NUP153: variants seen among roughly 807,000 people sequenced by gnomAD.
The protein encoded by NUP153 is nucleoporin 153, also known as nuclear pore complex protein Nup153.
In NUP153, 27 loss-of-function variants were observed where a neutral mutation model predicts 134.6. That is an observed-to-expected ratio of 0.20 (90% CI 0.15 to 0.28). The LOEUF (loss-of-function observed/expected upper bound fraction) is 0.28. NUP153 is among the 10% of genes least tolerant of loss of function. The probability of loss-of-function intolerance (pLI) is 1.00; values close to 1 mark genes in which losing one functional copy is unlikely to be tolerated. For synonymous variants in NUP153, 640 were observed against 623.5 expected, an observed-to-expected ratio of 1.03 and a Z score of -0.40; for missense variants, 1,821 against 1,731.3, an observed-to-expected ratio of 1.05 and a Z score of -0.92.
intron 2 of NUP153, among the ~76,000 whole-genome samples, chr6:17,682,335 G>A (rs1379154726): frequency 1.3e-5 from 2 of 152,120 alleles, no homozygotes; most frequent in Non-Finnish European, 2.9e-5. Context: ...AATGTTGATG[G>A]CTACTGACTG....
rs957077722 is a variant in NUP153, at chr6:17,631,574, ATAAG to A, written c.2659+1072_2659+1075del. Among the ~76,000 whole-genome samples, 10 of 152,332 alleles carry A rather than the reference ATAAG, an allele frequency of 6.6e-5. No homozygotes were observed. In the South Asian group the frequency reaches 1.2e-3, roughly 19 times the overall value. On this transcript the variant is annotated intron_variant, in intron 17 of 21. Transcript: ENST00000262077. The stretch of plus-strand genomic sequence containing the variant: ...AGTACACTTTATTTAGCTACAACTT[ATAAG>A]TAAGAAGATGAAATATCTGTCTGAG...
At chr6:17,642,648 A>G (rs1168652776) in intron 14 of NUP153, among the ~76,000 whole-genome samples, 1 of 152,212 alleles carries the variant, frequency 6.6e-6, no homozygotes, top group East Asian at 1.9e-4. Context: ...AAAGTTTAAT[A>G]CAGAACTACC....
At chr6:17,682,519 T>C (rs1390224789) in intron 2 of NUP153, among the ~76,000 whole-genome samples, 2 of 152,218 alleles carry the variant, frequency 1.3e-5, no homozygotes, top group African/African-American at 2.4e-5. Context: ...GTCAATCCTC[T>C]CAAATTTCGC....
At position 17,639,276 on chromosome 6, in the gene NUP153, G is replaced by A. The variant is rs1252313174; in HGVS notation, c.1846+663C>T. On this transcript the variant is annotated intron_variant, in intron 15 of 21. Transcript: ENST00000262077. ...CTCTTTTTAATAGAGATGGGGTTTCGCCATGTTGGCCAGGCTGGTCTTCAA... is the reference window on the plus strand; with the variant it reads ...CTCTTTTTAATAGAGATGGGGTTTCACCATGTTGGCCAGGCTGGTCTTCAA... Among the ~76,000 whole-genome samples the A allele has an allele frequency of 3.3e-5, 5 of 151,844 alleles. No homozygotes were observed. In the East Asian group the frequency reaches 5.8e-4, roughly 18 times the overall value.
chr6:17,647,183 A>C (rs1766243422), intron 13 of NUP153, among the ~76,000 whole-genome samples: 1 of 152,214 alleles, frequency 6.6e-6, no homozygotes, highest in East Asian at 1.9e-4. Flanking sequence ...CACAGTCAAA[A>C]CTAGAAAATG....
At chr6:17,616,290 G>GCGGGGGGGGGGGCCC in intron 21 of NUP153, 109 bp from the exon 22 acceptor site, 1 of 473,896 alleles carries the variant, frequency 2.1e-6, no homozygotes, top group Non-Finnish European at 3.9e-6. Flanking sequence ...GGTGGGGGGG[G>GCGGGGGGGGGGGCCC]AGTAGACTCA....
chr6:17,672,158 ACCTACC>A (rs1415204248), intron 5 of NUP153, among the ~76,000 whole-genome samples: 1 of 151,966 alleles, frequency 6.6e-6, no homozygotes, highest in East Asian at 1.9e-4. Flanking sequence ...TAATTTTAAG[ACCTACC>A]GGGAAGCCTA....
rs189430775 is a variant in NUP153 at position 17,631,882 on chromosome 6, G to C, written c.2659+768C>G. Among the ~76,000 whole-genome samples the C allele has an allele frequency of 3.9e-4, 59 of 152,160 alleles. 1 individual carries two copies. The East Asian group carries it at 7.0e-3, about 18-fold the overall frequency. On this transcript the variant is annotated intron_variant, in intron 17 of 21. Coordinates refer to ENST00000262077, the MANE Select transcript of NUP153 (RefSeq NM_005124.4). ...CTCGGGAGGCTGAAGCAGGAGAATG[G>C]CATGAACCCAGGAGGCGGAGCTTGC...
intron 5 of NUP153, among the ~76,000 whole-genome samples, chr6:17,673,540 A>G (rs993851048): frequency 2.6e-5 from 4 of 152,212 alleles, no homozygotes; most frequent in Admixed American, 6.5e-5. Context: ...ACACTTCACC[A>G]AAGAAGATAT....
intron 9 of NUP153, among the ~76,000 whole-genome samples, chr6:17,664,109 T>C (rs1184005230): frequency 6.6e-6 from 1 of 152,112 alleles, no homozygotes; most frequent in African/African-American, 2.4e-5. Context: ...CAATGAAATA[T>C]TATTCAGCCA....
In NUP153 at chr6:17,629,420, C is replaced by T. The variant is rs760190832; in HGVS notation, c.2779G>A (p.Gly927Arg). The T allele has an allele frequency of 8.1e-6, 13 of 1,614,012 alleles. No individual in the cohort carries two copies. In the South Asian group the frequency reaches 9.9e-5, roughly 12 times the overall value. ...CCTATTTTGAATCCTCCCTGATCTC[C>T]AAATTTAAAATTTCCAGTGCTTGTT... ...TLTSTGNFKF[G>R]DQGGFKIGVS... Residue 927 changes from glycine (G) to arginine (R), a missense_variant, in exon 18 of 22, where the codon GGA becomes AGA. Transcript: ENST00000262077.
At chr6:17,693,534 C>CTTGT (rs1769418944) in intron 1 of NUP153, among the ~76,000 whole-genome samples, 1 of 152,174 alleles carries the variant, frequency 6.6e-6, no homozygotes, top group African/African-American at 2.4e-5. Flanking sequence ...GGGTATCTTG[C>CTTGT]TATCTTGTAT....
chr6:17,688,675 G>C, intron 1 of NUP153, 57 bp from the exon 2 acceptor site: 1 of 1,392,236 alleles, frequency 7.2e-7, no homozygotes, highest in South Asian at 1.3e-5. Flanking sequence ...TTTAAAATAA[G>C]TACCTACTCA....
chr6:17,706,224 C>T lies in NUP153; in HGVS notation c.111+53G>A. 1 of 1,471,088 alleles carries T rather than the reference C, an allele frequency of 6.8e-7. No individual in the cohort carries two copies. Among genetic ancestry groups the T allele is most frequent in the Non-Finnish European group, 9.5e-7 (1 of 1,053,078 alleles). 91.1% of individuals were successfully genotyped at this position (1,471,088 alleles called of 1,614,324 possible). Reference sequence around the variant, plus strand: ...GCCGGGGCCTCGAACCGCCCGTCCCCTCCAGCCGAGTTTCCCCACCCGCCA... The same window carrying T: ...GCCGGGGCCTCGAACCGCCCGTCCCTTCCAGCCGAGTTTCCCCACCCGCCA... On this transcript the variant is annotated intron_variant, in intron 1 of 21. Transcript: ENST00000262077. This position sits in a 1 kb window ranked among gnomAD's most constrained non-coding sequence, Gnocchi z 5.9.
chr6:17,660,788 C>G (rs1767131175), intron 11 of NUP153, among the ~76,000 whole-genome samples: 1 of 152,058 alleles, frequency 6.6e-6, no homozygotes, highest in African/African-American at 2.4e-5. Context: ...GGATCATCCC[C>G]TATAATCCAA....
intron 9 of NUP153, among the ~76,000 whole-genome samples, chr6:17,663,817 A>G (rs1767347681): frequency 6.6e-6 from 1 of 152,218 alleles, no homozygotes; most frequent in African/African-American, 2.4e-5. Context: ...ACAAAAAACC[A>G]GACAAACCCA....
rs12203313 is a variant in NUP153 at position 17,654,709 on chromosome 6, A to G, written c.1396-5409T>C. On this transcript the variant is annotated intron_variant, in intron 11 of 21. Transcript: ENST00000262077. ...TGGGTCCCACTAATCTAAGAGGAAAAAAAAGCCAAGAATTCTGCTAACTTG... is the reference window on the plus strand; with the variant it reads ...TGGGTCCCACTAATCTAAGAGGAAAGAAAAGCCAAGAATTCTGCTAACTTG... 8.9e-3 allele frequency among the ~76,000 whole-genome samples: 1,350 copies of G among 152,342 alleles called. 10 individuals carry two copies. The highest frequency in any genetic ancestry group is 0.014 in the Non-Finnish European group (937 of 68,032).
At chr6:17,658,557 T>G (rs1008811698) in intron 11 of NUP153, among the ~76,000 whole-genome samples, 2 of 152,188 alleles carry the variant, frequency 1.3e-5, no homozygotes, top group African/African-American at 4.8e-5. Context: ...CAAGGACCAA[T>G]TGAGAGCAAT....
intron 5 of NUP153, 91 bp from the exon 6 acceptor site, chr6:17,669,637 T>G: frequency 1.1e-6 from 1 of 879,480 alleles, no homozygotes; most frequent in Non-Finnish European, 1.9e-6. Flanking sequence ...AGAATGGATG[T>G]CCAAAGTAAA....
Sources: gnomAD v4.1 joint callset for allele counts (sites outside exome capture counted in the v4.1 genomes callset) on GRCh38, gnomAD v4.1.1 for gene constraint, Gnocchi (gnomAD v3.1) non-coding constraint, MANE v1.5 for transcripts, NCBI Gene and HGNC (gene_info 2026-07-23, HGNC 2026-07-21) for gene names.